NPHP1: variants seen among roughly 807,000 people sequenced by gnomAD.
NPHP1 encodes the protein nephrocystin 1, also known as nephrocystin-1.
In NPHP1, 70 loss-of-function variants were observed where a neutral mutation model predicts 90.4. That is an observed-to-expected ratio of 0.77 (90% CI 0.64 to 0.95). The LOEUF (loss-of-function observed/expected upper bound fraction) is 0.95, where lower values mean the gene tolerates loss of function less well. Among genes scored for constraint, NPHP1 ranks in the 40% least tolerant of loss-of-function variants. The pLI, the probability that NPHP1 is intolerant of heterozygous loss-of-function variation, is 0.00. For missense variants in NPHP1, 764 were observed against 795.9 expected (o/e 0.96, Z 0.48); for synonymous variants, 256 against 271.7 (o/e 0.94, Z 0.57).
Position 110,188,963 on chromosome 2 carries a change from G to C in NPHP1, c.144-9279C>G, listed in dbSNP as rs191061211. ...AGCTATACGCAGAAAATTGAAACTA[G>C]AACCCCTTCCATACACCATATACAA... is the stretch of plus-strand genomic sequence containing the variant. On this transcript the variant is annotated intron_variant, in intron 2 of 19. Coordinates refer to ENST00000445609, the MANE Select transcript of NPHP1 (RefSeq NM_001128178.3). Among the ~76,000 whole-genome samples the C allele has an allele frequency of 2.7e-3, 414 of 152,140 alleles. 1 individual carries two copies. Among genetic ancestry groups the C allele is most frequent in the Non-Finnish European group, 4.4e-3 (300 of 68,004 alleles).
intron 16 of NPHP1, among the ~76,000 whole-genome samples, chr2:110,138,653 C>A (rs531712289): frequency 6.6e-6 from 1 of 152,184 alleles, no homozygotes; most frequent in East Asian, 1.9e-4. Flanking sequence ...GGCAGAACGA[C>A]CTGAGCATGA....
chr2:110,201,847 G>A (rs532710110), intron 1 of NPHP1, among the ~76,000 whole-genome samples: 4 of 152,194 alleles, frequency 2.6e-5, no homozygotes, highest in East Asian at 1.9e-4. Context: ...GCTGAGTTTC[G>A]ACAAATGCAT....
chr2:110,184,431 A>T, intron 2 of NPHP1: 1 of 657,504 alleles, frequency 1.5e-6, no homozygotes, highest in East Asian at 2.9e-5. Flanking sequence ...ATGAGCTGCC[A>T]ACGTTTTCTT....
intron 1 of NPHP1, 61 bp downstream of exon 1, chr2:110,204,839 G>A: frequency 6.4e-7 from 1 of 1,563,164 alleles, no homozygotes; most frequent in Non-Finnish European, 8.8e-7. Flanking sequence ...GGAAGGCGCA[G>A]TGCGCGCAGC....
chr2:110,203,199 C>T (rs1685687854), intron 1 of NPHP1, among the ~76,000 whole-genome samples: 1 of 151,890 alleles, frequency 6.6e-6, no homozygotes, highest in African/African-American at 2.4e-5. Flanking sequence ...TATGTTCTCA[C>T]TCGTTGAGTA....
chr2:110,190,470 C>T (rs1161924940), intron 2 of NPHP1, among the ~76,000 whole-genome samples: 1 of 152,204 alleles, frequency 6.6e-6, no homozygotes, highest in Non-Finnish European at 1.5e-5. Flanking sequence ...GTGGGGCTGG[C>T]TGGCTGGCCG....
intron 11 of NPHP1, among the ~76,000 whole-genome samples, chr2:110,156,475 G>A (rs141453281): frequency 9.9e-4 from 150 of 151,960 alleles, no homozygotes; most frequent in African/African-American, 3.5e-3. Context: ...AGCAGCGTGA[G>A]AACAAACTAA....
chr2:110,169,970 C>G lies in NPHP1; in HGVS notation c.358G>C (p.Glu120Gln). The change falls in exon 5 of 20, where the codon GAA becomes CAA. Residue 120 changes from glutamate (E) to glutamine (Q), a missense_variant. By Grantham distance (29) the Glu-to-Gln change is conservative. Transcript: ENST00000445609. ...EVGAPTEEEE[E>Q]SESEDSEDSG... is the part of the protein sequence containing the mutation. ...TCTTCACTATCTTCACTTTCACTTT[C>G]TTCCTCTTCTTCAGTAGGTGCCCCA... is the stretch of plus-strand genomic sequence containing the variant. The G allele has an allele frequency of 6.2e-7, 1 of 1,611,346 alleles. No homozygotes were observed. Among genetic ancestry groups the G allele is most frequent in the Non-Finnish European group, 8.5e-7 (1 of 1,177,602 alleles).
At chr2:110,125,828 G>C in intron 18 of NPHP1, 147 bp from the exon 19 acceptor site, 3 of 714,876 alleles carry the variant, frequency 4.2e-6, no homozygotes, top group Non-Finnish European at 7.5e-6. Flanking sequence ...TCTGTAATTA[G>C]GAATCTATTG....
At chr2:110,125,267 A>G in intron 19 of NPHP1, 1 of 1,536,134 alleles carries the variant, frequency 6.5e-7, no homozygotes, top group Non-Finnish European at 8.7e-7. Flanking sequence ...TTTTCAATAT[A>G]TGGTACAGCT....
rs529925141 is a variant in NPHP1, at chr2:110,165,001, C to G, written c.728+51G>C. The G allele has an allele frequency of 1.9e-5, 27 of 1,391,976 alleles. No homozygotes were observed. The South Asian group carries it at 3.1e-4, about 16-fold the overall frequency. 86.2% of individuals were successfully genotyped at this position (1,391,976 alleles called of 1,614,324 possible). A position where few individuals can be genotyped will look rare whatever the true frequency, so the allele number is the denominator to read the frequency against. ...AATTAGTTATAATAATAAAAATAAA[C>G]AAATAAAATGTTTCCTAAACCTACT... On this transcript the variant is annotated intron_variant, in intron 7 of 19. Transcript: ENST00000445609.
chr2:110,137,008 G>T (rs1174072548), intron 16 of NPHP1, among the ~76,000 whole-genome samples: 1 of 152,098 alleles, frequency 6.6e-6, no homozygotes, highest in Non-Finnish European at 1.5e-5. Context: ...AGAGCCCTCA[G>T]AAATAATGCC....
In NPHP1 at chr2:110,168,469, G is replaced by C. The variant is rs766198007; in HGVS notation, c.607C>G (p.Pro203Ala). 6.2e-7 allele frequency: 1 copy of C among 1,611,798 alleles called. No individual in the cohort carries two copies. Among genetic ancestry groups the C allele is most frequent in the South Asian group, 1.1e-5 (1 of 91,020 alleles). Residue 203 changes from proline to alanine, a missense_variant, in exon 6 of 20, where the codon CCC (proline) becomes GCC (alanine). Physicochemically the swap from Pro to Ala is conservative, Grantham distance 27. Transcript: ENST00000445609. ...KDAKGNEGLV[P>A]RTYLEPYSEE... is the part of the protein sequence containing the mutation. Reference sequence around the variant, plus strand: ...AGACTAACCTCTAGGTAGGTTCTGGGAACAAGACCTTCATTTCCTTTGGCA... The same window carrying C: ...AGACTAACCTCTAGGTAGGTTCTGGCAACAAGACCTTCATTTCCTTTGGCA...
chr2:110,152,599 T>TTA (rs540224999), intron 11 of NPHP1, among the ~76,000 whole-genome samples: 2 of 126,036 alleles, frequency 1.6e-5, no homozygotes, highest in Admixed American at 1.7e-4. Context: ...CCAGTAGGGT[T>TTA]AAAAAAAAAA....
Position 110,157,119 on chromosome 2 carries a change from A to T in NPHP1, c.1083+3008T>A, listed in dbSNP as rs538462649. 2.6e-5 allele frequency among the ~76,000 whole-genome samples: 4 copies of T among 152,138 alleles called. 1 individual carries two copies. The East Asian group carries it at 5.8e-4, about 22-fold the overall frequency. On this transcript the variant is annotated intron_variant, in intron 11 of 19. Coordinates refer to ENST00000445609, the MANE Select transcript of NPHP1 (RefSeq NM_001128178.3). ...CTAGGCTTAGATTTATTAAAGAAGCACTCTTACATAAACAGCACGAGTATC... is the reference window on the plus strand; with the variant it reads ...CTAGGCTTAGATTTATTAAAGAAGCTCTCTTACATAAACAGCACGAGTATC...
At position 110,155,686 on chromosome 2, in the gene NPHP1, T is replaced by C. The variant is rs549056153; in HGVS notation, c.1083+4441A>G. Reference sequence around the variant, plus strand: ...CTGGATTTTGGACTTGCATGGGGCCTGTAGCCTCTTTGTTTTGGCCAGTTT... The same window carrying C: ...CTGGATTTTGGACTTGCATGGGGCCCGTAGCCTCTTTGTTTTGGCCAGTTT... On this transcript the variant is annotated intron_variant, in intron 11 of 19. Coordinates refer to ENST00000445609, the MANE Select transcript of NPHP1 (RefSeq NM_001128178.3). Among the ~76,000 whole-genome samples, 8 of 152,290 alleles carry C rather than the reference T, an allele frequency of 5.3e-5. No homozygotes were observed. In the South Asian group the frequency reaches 1.7e-3, roughly 32 times the overall value.
chr2:110,186,176 G>A (rs1033545349), intron 2 of NPHP1, among the ~76,000 whole-genome samples: 2 of 152,162 alleles, frequency 1.3e-5, no homozygotes, highest in Non-Finnish European at 2.9e-5. Flanking sequence ...ACTCCCACCA[G>A]CCTCTTTCTC....
At chr2:110,164,933 A>G (rs1682610494) in intron 7 of NPHP1, 119 bp downstream of exon 7, 1 of 918,470 alleles carries the variant, frequency 1.1e-6, no homozygotes, top group Non-Finnish European at 1.7e-6. Flanking sequence ...ATAGTATGAA[A>G]AGCTCTCCAG....
intron 4 of NPHP1, 43 bp from the exon 5 acceptor site, chr2:110,170,041 C>G (rs1683012986): frequency 6.2e-7 from 1 of 1,610,620 alleles, no homozygotes; most frequent in African/African-American, 1.3e-5. Flanking sequence ...AAATAATATA[C>G]AAGAACAGAC....
Sources: gnomAD v4.1 joint callset for allele counts (sites outside exome capture counted in the v4.1 genomes callset) on GRCh38, gnomAD v4.1.1 for gene constraint, MANE v1.5 for transcripts, NCBI Gene and HGNC (gene_info 2026-07-23, HGNC 2026-07-21) for gene names.